Variants in GART observed in about 807,000 individuals in gnomAD.
GART encodes trifunctional purine biosynthetic protein adenosine-3.
In GART, 43 loss-of-function variants were observed where a neutral mutation model predicts 107.2. The ratio of observed to expected loss-of-function variants is 0.40; its 90% CI spans 0.31 to 0.52. The LOEUF is 0.52. Among genes scored for constraint, GART ranks in the 20% least tolerant of loss-of-function variants. The pLI is 0.52. For synonymous variants in GART, 434 were observed against 427.0 expected (o/e 1.02, Z -0.20); for missense variants, 1,107 against 1,206.5 (o/e 0.92, Z 1.22).
chr21:33,507,958 A>G (rs921680765), intron 18 of GART, among the ~76,000 whole-genome samples: 4 of 152,238 alleles, frequency 2.6e-5, no homozygotes, highest in Non-Finnish European at 5.9e-5. Flanking sequence ...TACAGGTTGT[A>G]TGGCTGTATC....
At chr21:33,529,449 T>TC in intron 7 of GART, 1 of 148,548 alleles carries the variant, frequency 6.7e-6, no homozygotes, top group South Asian at 2.1e-4. Flanking sequence ...TTATGTTTAA[T>TC]CTTTTTTTTT....
intron 11 of GART, among the ~76,000 whole-genome samples, chr21:33,523,242 AC>A (rs1253083949): frequency 1.3e-5 from 2 of 152,222 alleles, no homozygotes; most frequent in Non-Finnish European, 2.9e-5. Flanking sequence ...GCATACAAAA[AC>A]AAAAAACAAA....
intron 10 of GART, among the ~76,000 whole-genome samples, chr21:33,525,227 TA>T (rs1163713155): frequency 6.6e-6 from 1 of 150,784 alleles, no homozygotes; most frequent in African/African-American, 2.4e-5. Context: ...TCTACATAAA[TA>T]AATAAATAAA....
chr21:33,526,761 A>G (rs1239885593), intron 10 of GART, among the ~76,000 whole-genome samples: 2 of 152,222 alleles, frequency 1.3e-5, no homozygotes, highest in Non-Finnish European at 2.9e-5. Context: ...TTATAGTTAA[A>G]ACATTATTAG....
rs2085111391 is a variant in GART at position 33,528,232 on chromosome 21, G to A, written c.1001C>T (p.Ala334Val). The A allele has an allele frequency of 1.2e-6, 2 of 1,614,042 alleles. No individual in the cohort carries two copies. The highest frequency in any genetic ancestry group is 1.7e-6 in the Non-Finnish European group (2 of 1,179,998). Residue 334 changes from alanine to valine, a missense_variant, in exon 10 of 22, where the codon GCC becomes GTC. Transcript: ENST00000381815. ...SLPVWLENHT[A>V]LTVVMASKGY... Reference sequence around the variant, plus strand: ...TTTACTTGCCATGACAACAGTTAGGGCGGTGTGGTTTTCTAGCCAAACAGG... The same window carrying A: ...TTTACTTGCCATGACAACAGTTAGGACGGTGTGGTTTTCTAGCCAAACAGG...
intron 11 of GART, 26 bp from the exon 12 acceptor site, chr21:33,522,308 C>G: frequency 6.8e-7 from 1 of 1,474,790 alleles, no homozygotes; most frequent in Non-Finnish European, 9.5e-7. Context: ...CAAGTCATCA[C>G]CTAAACGTCA....
At chr21:33,513,105 C>G (rs182911777) in intron 16 of GART, among the ~76,000 whole-genome samples, 7 of 144,556 alleles carry the variant, frequency 4.8e-5, no homozygotes, top group South Asian at 2.2e-4. Flanking sequence ...GTGTGTGTCT[C>G]TGTGTGTGTG....
chr21:33,530,707 C>A, intron 7 of GART, 52 bp downstream of exon 7: 1 of 1,347,886 alleles, frequency 7.4e-7, no homozygotes, highest in Non-Finnish European at 9.6e-7. Context: ...TCTAAGAGTT[C>A]TCTGAGAAAA....
intron 16 of GART, 147 bp downstream of exon 16, chr21:33,516,842 G>A: frequency 1.6e-6 from 1 of 637,614 alleles, no homozygotes; most frequent in Non-Finnish European, 2.7e-6. Context: ...AGATAGAAAA[G>A]GGTCGAGTTT....
At chr21:33,542,836 G>C, upstream of GART, 1 of 558,262 alleles carries the variant, frequency 1.8e-6, no homozygotes, top group East Asian at 3.0e-5. Flanking sequence ...AATGGCGCCT[G>C]CGTCAGACAC....
chr21:33,541,850 T>C (rs770982987), intron 1 of GART, among the ~76,000 whole-genome samples: 2 of 152,124 alleles, frequency 1.3e-5, no homozygotes, highest in African/African-American at 2.4e-5. Context: ...CAAAAAGGCC[T>C]TGACATCTTA....
At chr21:33,504,763 T>C (rs7283354) in intron 20 of GART, among the ~76,000 whole-genome samples, 103,452 of 151,966 alleles carry the variant, frequency 0.68, 35,282 homozygotes, top group East Asian at 0.73. Context: ...TGAACAGACA[T>C]TCATGGTGAC....
intron 11 of GART, chr21:33,524,397 A>G: frequency 1.5e-6 from 1 of 646,420 alleles, no homozygotes; most frequent in Non-Finnish European, 1.9e-6. Flanking sequence ...AAAAATACAA[A>G]AAAATTAGCC....
At position 33,517,343 on chromosome 21, in the gene GART, A is replaced by G. The variant is rs2084896772; in HGVS notation, c.1954+14T>C. 2 of 1,613,886 alleles carry G rather than the reference A, an allele frequency of 1.2e-6. No homozygotes were observed. The highest frequency in any genetic ancestry group is 1.7e-6 in the Non-Finnish European group (2 of 1,180,024). ...CATTTCCAAGCAGGACAGTTTAAAC[A>G]TGAGGGAGTTTACCTAAAGTCTGGT... On this transcript the variant is annotated intron_variant, in intron 15 of 21. Coordinates refer to ENST00000381815, the MANE Select transcript of GART (RefSeq NM_000819.5).
intron 19 of GART, 43 bp downstream of exon 19, chr21:33,505,931 T>C (rs1159243417): frequency 1.2e-6 from 2 of 1,609,842 alleles, no homozygotes; most frequent in African/African-American, 2.7e-5. Flanking sequence ...GATTACGAGC[T>C]TAAATATGGC....
chr21:33,514,045 T>G (rs1303694250), intron 16 of GART, among the ~76,000 whole-genome samples: 1 of 152,158 alleles, frequency 6.6e-6, no homozygotes, highest in Non-Finnish European at 1.5e-5. Flanking sequence ...ATGGGCAGAT[T>G]GCTCTGAGCC....
At chr21:33,504,975 A>G (rs963695819) in intron 20 of GART, among the ~76,000 whole-genome samples, 1 of 152,236 alleles carries the variant, frequency 6.6e-6, no homozygotes, top group African/African-American at 2.4e-5. Context: ...CAAGTGCTCT[A>G]ACTACATTCA....
chr21:33,504,390 T>A (rs1195366784), intron 21 of GART, 22 bp downstream of exon 21: 1 of 1,610,050 alleles, frequency 6.2e-7, no homozygotes, highest in South Asian at 1.1e-5. Context: ...AATATTATGT[T>A]GGTAGAAAAA....
Position 33,528,561 on chromosome 21 carries a change from T to C in GART, c.855A>G (p.Lys285=), listed in dbSNP as rs2085117992. 3 of 1,608,822 alleles carry C rather than the reference T, an allele frequency of 1.9e-6. No homozygotes were observed. The highest frequency in any genetic ancestry group is 2.5e-6 in the Non-Finnish European group (3 of 1,178,710). ...CAAAACGGCAATTAAACTCTAGAAC[T>C]TTTGGGCCATTCTTGGTCAGCATTA... The part of the protein sequence containing the change: ...AGIMLTKNGP[K]VLEFNCRFGD... Residue 285 remains lysine, a synonymous_variant, in exon 9 of 22, where the codon AAA becomes AAG. Transcript: ENST00000381815.
Sources: allele counts gnomAD v4.1 joint callset (sites outside exome capture counted in the v4.1 genomes callset), GRCh38; gene constraint gnomAD v4.1.1; transcripts MANE v1.5; gene names NCBI Gene and HGNC (gene_info 2026-07-23, HGNC 2026-07-21).